The following DIAPH2 variants were observed in gnomAD, a reference collection of about 807,000 sequenced individuals.
DIAPH2 encodes the protein diaphanous related formin 2.
A neutral mutation model predicts 92.7 loss-of-function variants in DIAPH2; 35 were observed. The ratio of observed to expected loss-of-function variants is 0.38; its 90% confidence interval spans 0.29 to 0.50. The LOEUF (loss-of-function observed/expected upper bound fraction) is 0.50. Among genes scored for constraint, DIAPH2 ranks in the 20% least tolerant of loss-of-function variants. The pLI is 0.94. For synonymous variants in DIAPH2, 301 were observed against 280.4 expected, an observed-to-expected ratio of 1.07 and a Z score of -0.73; for missense variants, 701 against 819.5, an observed-to-expected ratio of 0.86 and a Z score of 1.77.
intron 22 of DIAPH2, among the ~76,000 whole-genome samples, chrX:97,161,043 G>GT (rs1376550732): frequency 2.2e-4 from 18 of 83,211 alleles, no homozygotes; most frequent in East Asian, 1.6e-3. Context: ...TTTGTTTTTT[G>GT]TTTTTTTGTT....
intron 17 of DIAPH2, among the ~76,000 whole-genome samples, chrX:97,019,378 T>G (rs2066282018): frequency 9.0e-6 from 1 of 111,052 alleles, no homozygotes; most frequent in Non-Finnish European, 1.9e-5. Context: ...CCCTTTGTTC[T>G]TAACCCACTC....
chrX:97,183,713 A>C (rs1206568064), intron 22 of DIAPH2, among the ~76,000 whole-genome samples: 1 of 112,225 alleles, frequency 8.9e-6, no homozygotes, highest in Non-Finnish European at 1.9e-5. Flanking sequence ...TTCTGGACAA[A>C]ATTCAAGCTG....
chrX:96,837,661 A>G (rs1381024494), intron 4 of DIAPH2, among the ~76,000 whole-genome samples: 1 of 111,429 alleles, frequency 9.0e-6, no homozygotes, highest in Non-Finnish European at 1.9e-5. Flanking sequence ...ATTGTAAGTA[A>G]AAGGGGGACT....
intron 26 of DIAPH2, among the ~76,000 whole-genome samples, chrX:97,503,709 G>T (rs1325109164): frequency 8.9e-6 from 1 of 111,931 alleles, no homozygotes; most frequent in African/African-American, 3.2e-5. Context: ...GATCAATAAA[G>T]AAATTAAAGG....
intron 23 of DIAPH2, among the ~76,000 whole-genome samples, chrX:97,292,389 C>G (rs928702846): frequency 9.0e-6 from 1 of 111,169 alleles, no homozygotes; most frequent in South Asian, 3.8e-4. Flanking sequence ...TTTTCAAAGC[C>G]TCTCATTACA....
chrX:97,368,899 CTTTT>C (rs386417287), intron 24 of DIAPH2, among the ~76,000 whole-genome samples: 3 of 52,071 alleles, frequency 5.8e-5, no homozygotes, highest in African/African-American at 1.5e-4. Flanking sequence ...TCTACCCTTT[CTTTT>C]TTTTTTTTTT....
chrX:97,065,710 G>A (rs780228050), intron 17 of DIAPH2, among the ~76,000 whole-genome samples: 6 of 110,961 alleles, frequency 5.4e-5, no homozygotes, highest in Admixed American at 3.9e-4. Flanking sequence ...GCCTCAGGCA[G>A]GTCTTTCACA....
At chrX:97,481,478 G>A (rs1378050064) in intron 26 of DIAPH2, among the ~76,000 whole-genome samples, 1 of 111,711 alleles carries the variant, frequency 9.0e-6, no homozygotes, top group Non-Finnish European at 1.9e-5. Flanking sequence ...TATCCAGAGT[G>A]AGGAATAAGG....
At chrX:96,893,859 A>C (rs2065323998) in intron 5 of DIAPH2, among the ~76,000 whole-genome samples, 1 of 111,718 alleles carries the variant, frequency 9.0e-6, no homozygotes, top group South Asian at 3.7e-4. Flanking sequence ...CATGTGCACT[A>C]GATAACAGTA....
intron 25 of DIAPH2, among the ~76,000 whole-genome samples, chrX:97,426,830 G>A (rs1175901331): frequency 1.8e-5 from 2 of 111,772 alleles, no homozygotes; most frequent in African/African-American, 6.5e-5. Flanking sequence ...TAAGAAGAAT[G>A]TAAAATACAT....
intron 17 of DIAPH2, among the ~76,000 whole-genome samples, chrX:97,031,028 C>T (rs1430084730): frequency 2.7e-5 from 3 of 111,719 alleles, no homozygotes; most frequent in Non-Finnish European, 5.6e-5. Flanking sequence ...TTACTCAGGG[C>T]TTTACAATAT....
intron 17 of DIAPH2, among the ~76,000 whole-genome samples, chrX:96,991,458 G>A (rs1164475644): frequency 9.3e-6 from 1 of 107,209 alleles, no homozygotes; most frequent in Non-Finnish European, 1.9e-5. Flanking sequence ...AAGGCAAAGA[G>A]AAATTACATA....
chrX:97,048,575 T>C (rs1177392871), intron 17 of DIAPH2, among the ~76,000 whole-genome samples: 4 of 111,198 alleles, frequency 3.6e-5, no homozygotes, highest in Non-Finnish European at 1.9e-5. Context: ...GAAGACACTT[T>C]AAGACCATGC....
chrX:97,102,904 C>T (rs1405707299), intron 20 of DIAPH2, among the ~76,000 whole-genome samples: 2 of 111,382 alleles, frequency 1.8e-5, no homozygotes, highest in Non-Finnish European at 3.8e-5. Flanking sequence ...CAGGCCACTG[C>T]ACTCCAGCCT....
At chrX:96,791,428 C>G (rs764231152) in intron 4 of DIAPH2, among the ~76,000 whole-genome samples, 3 of 110,739 alleles carry the variant, frequency 2.7e-5, no homozygotes, top group Non-Finnish European at 5.7e-5. Context: ...ACTTCAGCCA[C>G]TTGGGAGGCT....
intron 23 of DIAPH2, among the ~76,000 whole-genome samples, chrX:97,340,855 C>G (rs1315722663): frequency 9.1e-6 from 1 of 109,503 alleles, no homozygotes; most frequent in African/African-American, 3.3e-5. Flanking sequence ...GGGGTTTCAC[C>G]ACATCCAGGT....
In DIAPH2 at chrX:97,311,817, C is replaced by G. The variant is rs189380445; in HGVS notation, c.2845-36299C>G. On this transcript the variant is annotated intron_variant, in intron 23 of 26. Coordinates refer to ENST00000324765, the MANE Select transcript of DIAPH2 (RefSeq NM_006729.5). ...AGAAGGGAATTTGCCTTGGGAAATG[C>G]CGTTATCATCTTTTTTTTTTGGGTG... Among the ~76,000 whole-genome samples, 122 of 110,598 alleles carry G rather than the reference C, an allele frequency of 1.1e-3. 1 individual carries two copies. Among genetic ancestry groups the G allele is most frequent in the Admixed American group, 3.8e-3 (39 of 10,292 alleles).
intron 17 of DIAPH2, among the ~76,000 whole-genome samples, chrX:97,009,193 G>A (rs192754796): frequency 3.6e-5 from 4 of 110,399 alleles, no homozygotes; most frequent in Non-Finnish European, 7.6e-5. Context: ...GAGGTTCTCC[G>A]TGTGGCCATC....
chrX:96,941,847 G>C (rs1177103743), intron 12 of DIAPH2, among the ~76,000 whole-genome samples, 171 bp from the exon 13 acceptor site: 4 of 109,955 alleles, frequency 3.6e-5, no homozygotes, highest in Admixed American at 9.9e-5. Flanking sequence ...GTAACACCCA[G>C]ACCATCCTTA....
Sources: gnomAD v4.1 joint callset for allele counts (sites outside exome capture counted in the v4.1 genomes callset) on GRCh38, gnomAD v4.1.1 for gene constraint, MANE v1.5 for transcripts, NCBI Gene and HGNC (gene_info 2026-07-23, HGNC 2026-07-21) for gene names.